The following CDK8 variants were observed in gnomAD, a reference collection of about 807,000 sequenced individuals.
CDK8 encodes cyclin-dependent kinase 8.
In CDK8, 29 loss-of-function variants were observed where a neutral mutation model predicts 71.5. The observed-to-expected ratio is 0.41, with a 90% confidence interval of 0.30 to 0.55. CDK8 has a LOEUF of 0.55. Ranked by LOEUF, CDK8 falls within the 20% of genes least tolerant of loss-of-function variation. The pLI is 0.37. For missense variants in CDK8, 288 were observed against 572.6 expected (o/e 0.50, Z 5.07); for synonymous variants, 161 against 192.1 (o/e 0.84, Z 1.34).
In CDK8 at chr13:26,291,509, A is replaced by G. The variant is rs546945071; in HGVS notation, c.128+36740A>G. 8.8e-4 allele frequency among the ~76,000 whole-genome samples: 134 copies of G among 152,234 alleles called. 1 individual carries two copies. The highest frequency in any genetic ancestry group is 3.2e-3 in the African/African-American group (131 of 41,550). ...GTTCAGAATTTTTAAAAATCAATATATGTTCAGATTTTTAAAAGTAGAATT... is the reference window on the plus strand; with the variant it reads ...GTTCAGAATTTTTAAAAATCAATATGTGTTCAGATTTTTAAAAGTAGAATT... On this transcript the variant is annotated intron_variant, in intron 1 of 12. Coordinates refer to ENST00000381527, the MANE Select transcript of CDK8 (RefSeq NM_001260.3).
chr13:26,266,279 A>T (rs993068476), intron 1 of CDK8, among the ~76,000 whole-genome samples: 1 of 152,242 alleles, frequency 6.6e-6, no homozygotes, highest in Non-Finnish European at 1.5e-5. Context: ...GAGTTAGACT[A>T]TGTACTTAAA....
At chr13:26,350,020 C>T (rs1873621850) in intron 3 of CDK8, among the ~76,000 whole-genome samples, 1 of 152,140 alleles carries the variant, frequency 6.6e-6, no homozygotes, top group African/African-American at 2.4e-5. Flanking sequence ...TTATTCAGTA[C>T]AGTAACATGT....
chr13:26,390,125 T>G (rs1478432742), intron 6 of CDK8, among the ~76,000 whole-genome samples: 1 of 152,210 alleles, frequency 6.6e-6, no homozygotes, highest in Non-Finnish European at 1.5e-5. Flanking sequence ...ATTAAAATAC[T>G]CAACAAATTT....
At chr13:26,271,809 T>A (rs1027667252) in intron 1 of CDK8, among the ~76,000 whole-genome samples, 1 of 42,382 alleles carries the variant, frequency 2.4e-5, no homozygotes, top group African/African-American at 6.3e-5. Context: ...ACCCTGTCTT[T>A]TTTTTTTTTT....
intron 2 of CDK8, among the ~76,000 whole-genome samples, chr13:26,344,955 T>C (rs547123310): frequency 2.6e-5 from 4 of 152,298 alleles, no homozygotes; most frequent in Non-Finnish European, 5.9e-5. Context: ...GCATTTATTA[T>C]CATCAAATAT....
At chr13:26,324,229 A>C (rs565706256) in intron 1 of CDK8, among the ~76,000 whole-genome samples, 1 of 111,528 alleles carries the variant, frequency 9.0e-6, no homozygotes, top group East Asian at 2.8e-4. Context: ...TGTGTTGCTA[A>C]TGGTGCAATA....
chr13:26,355,713 G>A (rs1245029917), intron 4 of CDK8, among the ~76,000 whole-genome samples: 2 of 152,148 alleles, frequency 1.3e-5, no homozygotes, highest in East Asian at 3.8e-4. Context: ...CCATTGGGGT[G>A]GAGTCAAGTT....
chr13:26,365,199 A>G (rs1158052924), intron 4 of CDK8, among the ~76,000 whole-genome samples: 1 of 152,182 alleles, frequency 6.6e-6, no homozygotes, highest in Non-Finnish European at 1.5e-5. Context: ...TTTGGTAACA[A>G]CTGATTAAGG....
At chr13:26,270,419 CAT>C (rs1479345477) in intron 1 of CDK8, among the ~76,000 whole-genome samples, 7 of 151,626 alleles carry the variant, frequency 4.6e-5, no homozygotes, top group Admixed American at 3.9e-4. Flanking sequence ...CACACACACA[CAT>C]ACACAGTTTA....
At chr13:26,350,197 G>C (rs1873628708) in intron 3 of CDK8, among the ~76,000 whole-genome samples, 2 of 152,184 alleles carry the variant, frequency 1.3e-5, no homozygotes, top group Admixed American at 6.5e-5. Flanking sequence ...ATGCATGACT[G>C]TATTGTACTT....
intron 1 of CDK8, among the ~76,000 whole-genome samples, chr13:26,279,412 C>T (rs1001924185): frequency 1.3e-5 from 2 of 151,920 alleles, no homozygotes; most frequent in Non-Finnish European, 2.9e-5. Flanking sequence ...ATCTTAGCAT[C>T]ATGAACGGTG....
intron 1 of CDK8, among the ~76,000 whole-genome samples, chr13:26,260,854 T>G (rs781210909): frequency 6.6e-6 from 1 of 152,222 alleles, no homozygotes; most frequent in Non-Finnish European, 1.5e-5. Context: ...GATAAATACA[T>G]TTGATTCCCT....
chr13:26,304,376 T>A (rs1410905731), intron 1 of CDK8, among the ~76,000 whole-genome samples: 2 of 152,192 alleles, frequency 1.3e-5, no homozygotes, highest in Non-Finnish European at 2.9e-5. Context: ...TACCTAGTAT[T>A]TCATTTAAAT....
At chr13:26,359,238 G>C (rs891467723) in intron 4 of CDK8, among the ~76,000 whole-genome samples, 29 of 152,238 alleles carry the variant, frequency 1.9e-4, no homozygotes, top group Admixed American at 7.8e-4. Flanking sequence ...GTTACGGGAC[G>C]TTACTGTTTA....
chr13:26,282,563 G>GAGTT (rs1363288405), intron 1 of CDK8, among the ~76,000 whole-genome samples: 1 of 152,088 alleles, frequency 6.6e-6, no homozygotes, highest in East Asian at 1.9e-4. Flanking sequence ...ATGCTAAAAG[G>GAGTT]AGTTCTAAAT....
Position 26,254,346 on chromosome 13 carries a change from G to A in CDK8, c.-296G>A, listed in dbSNP as rs528073758. The stretch of plus-strand genomic sequence containing the variant: ...AGCCGGCGCCCAGGGAGCCCGCGGG[G>A]ACAAGGGCAGAGACACCGCTCCCCA... On this transcript the variant is annotated 5_prime_UTR_variant, in exon 1 of 13. Coordinates refer to ENST00000381527, the MANE Select transcript of CDK8 (RefSeq NM_001260.3). This position sits in a 1 kb window ranked among gnomAD's most constrained non-coding sequence, Gnocchi z 6.7. The A allele has an allele frequency of 6.9e-3, 1,894 of 275,804 alleles. 15 individuals are homozygous for A. Among genetic ancestry groups the A allele is most frequent in the Non-Finnish European group, 9.3e-3 (1,343 of 143,742 alleles). 17.1% of individuals were successfully genotyped at this position (275,804 alleles called of 1,614,324 possible).
intron 1 of CDK8, among the ~76,000 whole-genome samples, chr13:26,323,553 A>T (rs1307084739): frequency 6.6e-6 from 1 of 152,064 alleles, no homozygotes; most frequent in Non-Finnish European, 1.5e-5. Flanking sequence ...TTCAGTCCAG[A>T]GCACTGTCCT....
At chr13:26,360,495 C>G (rs1044823155) in intron 4 of CDK8, among the ~76,000 whole-genome samples, 6 of 152,160 alleles carry the variant, frequency 3.9e-5, no homozygotes, top group Admixed American at 3.9e-4. Context: ...TCTCTCTAGT[C>G]ACCCTAGCTG....
intron 6 of CDK8, among the ~76,000 whole-genome samples, chr13:26,388,890 C>A (rs1237038140): frequency 6.6e-6 from 1 of 152,130 alleles, no homozygotes; most frequent in Non-Finnish European, 1.5e-5. Flanking sequence ...TATTGGGTAA[C>A]TACTATGTTA....
Sources: gnomAD v4.1 joint callset for allele counts (sites outside exome capture counted in the v4.1 genomes callset) on GRCh38, gnomAD v4.1.1 for gene constraint, Gnocchi (gnomAD v3.1) non-coding constraint, MANE v1.5 for transcripts, NCBI Gene and HGNC (gene_info 2026-07-23, HGNC 2026-07-21) for gene names.